DGKB: variants seen among roughly 807,000 people sequenced by gnomAD.
DGKB encodes the protein 90 kDa diacylglycerol kinase.
A neutral mutation model predicts 114.3 loss-of-function variants in DGKB; 67 were observed. The ratio of observed to expected loss-of-function variants is 0.59; its 90% CI spans 0.48 to 0.72. The LOEUF is 0.72. DGKB is among the 30% of genes least tolerant of loss of function. The probability of loss-of-function intolerance (pLI) is 0.00; values close to 1 mark genes in which losing one functional copy is unlikely to be tolerated. For missense variants in DGKB, 907 were observed against 975.2 expected (o/e 0.93, Z 0.93); for synonymous variants, 398 against 323.1 (o/e 1.23, Z -2.49).
chr7:14,742,274 A>G (rs1832689357), intron 4 of DGKB, among the ~76,000 whole-genome samples: 3 of 152,214 alleles, frequency 2.0e-5, no homozygotes. Flanking sequence ...AGATTGGCAA[A>G]TGAAAAATCT....
upstream of DGKB, chr7:14,974,845 A>G (rs1787695925): frequency 6.6e-6 from 1 of 151,708 alleles, no homozygotes; most frequent in African/African-American, 2.4e-5. Flanking sequence ...TTTACTAGGT[A>G]GCTTAGAGTG....
intron 1 of DGKB, among the ~76,000 whole-genome samples, chr7:14,972,573 A>C (rs1055301135): frequency 2.6e-5 from 4 of 152,118 alleles, no homozygotes; most frequent in Admixed American, 1.3e-4. Flanking sequence ...TGATGAATTA[A>C]AGATATGACT....
chr7:14,855,190 G>C (rs1849952104), intron 1 of DGKB, among the ~76,000 whole-genome samples: 1 of 152,172 alleles, frequency 6.6e-6, no homozygotes, highest in African/African-American at 2.4e-5. Context: ...TTGGAGATCA[G>C]CAGAGAAATA....
chr7:14,263,735 G>C (rs1226693873), intron 23 of DGKB, among the ~76,000 whole-genome samples: 1 of 152,128 alleles, frequency 6.6e-6, no homozygotes, highest in Non-Finnish European at 1.5e-5. Flanking sequence ...CCTAATCTGA[G>C]AACTCCACTG....
intron 23 of DGKB, among the ~76,000 whole-genome samples, chr7:14,310,937 TG>T (rs1411040871): frequency 6.6e-6 from 1 of 152,064 alleles, no homozygotes; most frequent in Admixed American, 6.6e-5. Flanking sequence ...GAGACTAGCC[TG>T]GGGAACACAG....
At chr7:14,164,712 T>C (rs980835349) in intron 25 of DGKB, among the ~76,000 whole-genome samples, 1 of 152,188 alleles carries the variant, frequency 6.6e-6, no homozygotes, top group African/African-American at 2.4e-5. Context: ...ATTTCAAAGA[T>C]GTCAAATACT....
chr7:14,581,702 C>T (rs1799957078), intron 18 of DGKB, among the ~76,000 whole-genome samples: 1 of 152,090 alleles, frequency 6.6e-6, no homozygotes, highest in Non-Finnish European at 1.5e-5. Context: ...AATCAGTGTA[C>T]ATATGTGTGT....
chr7:14,680,085 G>A (rs138398128), intron 12 of DGKB, among the ~76,000 whole-genome samples: 1 of 151,956 alleles, frequency 6.6e-6, no homozygotes, highest in Non-Finnish European at 1.5e-5. Flanking sequence ...ATAAGGCTGA[G>A]GATGGATAAA....
intron 2 of DGKB, among the ~76,000 whole-genome samples, chr7:14,820,036 G>C (rs1586718915): frequency 6.6e-6 from 1 of 151,902 alleles, no homozygotes; most frequent in Non-Finnish European, 1.5e-5. Flanking sequence ...TAAAAGAGAA[G>C]GTAAAGAAAA....
intron 23 of DGKB, among the ~76,000 whole-genome samples, chr7:14,243,212 T>G (rs1033645405): frequency 2.8e-4 from 43 of 152,158 alleles, no homozygotes; most frequent in African/African-American, 9.4e-4. Flanking sequence ...TGAGGTTGTA[T>G]AAATGTTGCC....
In DGKB at chr7:14,682,789, G is replaced by A; in HGVS notation, c.882C>T (p.Cys294=). The A allele has an allele frequency of 6.2e-7, 1 of 1,609,014 alleles. No homozygotes were observed. Among genetic ancestry groups the A allele is most frequent in the South Asian group, 1.1e-5 (1 of 90,538 alleles). ...ERCVARAPPS[C]IKTYVKSKRN... ...TTTTGGACTTCACATAGGTCTTGAT[G>A]CAAGAGGGAGGTGCTCGAGCCACAC... is the stretch of plus-strand genomic sequence containing the variant. The change falls in exon 11 of 26, where the codon TGC becomes TGT. Residue 294 remains cysteine, a synonymous_variant. Coordinates refer to ENST00000402815, the MANE Select transcript of DGKB (RefSeq NM_001350709.2).
Position 14,790,477 on chromosome 7 carries a change from G to A in DGKB, c.71-32746C>T, listed in dbSNP as rs573852611. On this transcript the variant is annotated intron_variant, in intron 2 of 25. Transcript: ENST00000402815. ...CCATTTTGTTTAATTTTTCTGAGGT[G>A]CACAATTTAGGCTCATTTTTTTTGT... is the stretch of plus-strand genomic sequence containing the variant. 4.1e-5 allele frequency among the ~76,000 whole-genome samples: 6 copies of A among 145,880 alleles called. No homozygotes were observed. In the South Asian group the frequency reaches 1.1e-3, roughly 26 times the overall value.
chr7:14,802,845 C>T (rs576417680), intron 2 of DGKB, among the ~76,000 whole-genome samples: 163 of 152,124 alleles, frequency 1.1e-3, no homozygotes, highest in African/African-American at 3.6e-3. Flanking sequence ...ATTTTTTATA[C>T]GTTTACTGCA....
intron 23 of DGKB, among the ~76,000 whole-genome samples, chr7:14,307,721 G>T (rs1804717474): frequency 6.6e-6 from 1 of 152,142 alleles, no homozygotes; most frequent in African/African-American, 2.4e-5. Context: ...CTTATACATT[G>T]CTAAGTATAT....
chr7:14,690,605 AG>A (rs1217181325), intron 9 of DGKB, among the ~76,000 whole-genome samples: 1 of 152,230 alleles, frequency 6.6e-6, no homozygotes, highest in East Asian at 1.9e-4. Flanking sequence ...ATTAAAACAT[AG>A]CTTTTGTGGT....
chr7:14,857,463 G>C (rs948787514), intron 1 of DGKB, among the ~76,000 whole-genome samples: 2 of 152,048 alleles, frequency 1.3e-5, no homozygotes, highest in Non-Finnish European at 2.9e-5. Flanking sequence ...CCTACACCAG[G>C]CTCAGATTCC....
At chr7:14,835,957 T>A (rs1452205964) in intron 2 of DGKB, among the ~76,000 whole-genome samples, 1 of 152,214 alleles carries the variant, frequency 6.6e-6, no homozygotes, top group Non-Finnish European at 1.5e-5. Flanking sequence ...GTATACTATT[T>A]ACAGTAAGGC....
intron 23 of DGKB, among the ~76,000 whole-genome samples, chr7:14,299,134 A>G (rs553757540): frequency 3.3e-5 from 5 of 152,096 alleles, no homozygotes; most frequent in East Asian, 1.9e-4. Flanking sequence ...GTTATTTTAT[A>G]TAATAGTAAC....
chr7:14,849,251 C>A (rs1223718781), intron 1 of DGKB, among the ~76,000 whole-genome samples: 1 of 152,016 alleles, frequency 6.6e-6, no homozygotes, highest in Non-Finnish European at 1.5e-5. Flanking sequence ...AGCTAACAAA[C>A]CCCAGAGTAG....
Sources: gnomAD v4.1 joint callset for allele counts (sites outside exome capture counted in the v4.1 genomes callset) on GRCh38, gnomAD v4.1.1 for gene constraint, MANE v1.5 for transcripts, NCBI Gene and HGNC (gene_info 2026-07-23, HGNC 2026-07-21) for gene names.